The following MYOCD variants were observed in gnomAD, a reference collection of about 807,000 sequenced individuals.
MYOCD encodes the protein myocardin.
MYOCD carries 32 observed loss-of-function variants against 96.1 expected under a neutral mutation model. That is an observed-to-expected ratio of 0.33 (90% CI 0.25 to 0.45). The LOEUF is 0.45. Among genes scored for constraint, MYOCD ranks in the 20% least tolerant of loss-of-function variants. The pLI is 1.00. For missense variants in MYOCD, 1,133 were observed against 1,200.6 expected, an observed-to-expected ratio of 0.94 and a Z score of 0.83; for synonymous variants, 469 against 469.0, an observed-to-expected ratio of 1.00 and a Z score of 0.00.
intron 10 of MYOCD, among the ~76,000 whole-genome samples, chr17:12,754,115 GT>G (rs562703731): frequency 4.0e-5 from 6 of 151,138 alleles, no homozygotes; most frequent in South Asian, 4.2e-4. Context: ...GTTTGCAACT[GT>G]TTTTTTGAGA....
intron 3 of MYOCD, among the ~76,000 whole-genome samples, chr17:12,716,563 T>A (rs529364314): frequency 1.3e-4 from 20 of 152,286 alleles, no homozygotes; most frequent in African/African-American, 4.8e-4. Flanking sequence ...AGGCTTTACA[T>A]TTTCACATGT....
At position 12,765,465 on chromosome 17, in the gene MYOCD, T is replaced by C. The variant is rs2150733415; in HGVS notation, c.*1821T>C. 6.6e-6 allele frequency: 1 copy of C among 152,282 alleles called. No homozygotes were observed. The highest frequency in any genetic ancestry group is 1.9e-4 in the East Asian group (1 of 5,186). 9.4% of individuals were successfully genotyped at this position (152,282 alleles called of 1,614,324 possible). ...ATGTGTGAACACAGAGAGTTTTTGGTGATTGCTACTCTGAAAGCTGCCAGA... is the reference window on the plus strand; with the variant it reads ...ATGTGTGAACACAGAGAGTTTTTGGCGATTGCTACTCTGAAAGCTGCCAGA... On this transcript the variant is annotated 3_prime_UTR_variant, in exon 14 of 14. Coordinates refer to ENST00000425538, the MANE Select transcript of MYOCD (RefSeq NM_001146312.3).
intron 1 of MYOCD, among the ~76,000 whole-genome samples, chr17:12,685,798 T>C (rs2030088390): frequency 6.6e-6 from 1 of 152,144 alleles, no homozygotes; most frequent in African/African-American, 2.4e-5. Flanking sequence ...CATCAGAGTA[T>C]ATATGCCTTA....
chr17:12,697,109 G>A lies in MYOCD; in HGVS notation c.56-8019G>A, dbSNP rs556221148. Among the ~76,000 whole-genome samples, 3 of 151,986 alleles carry A rather than the reference G, an allele frequency of 2.0e-5. No individual in the cohort carries two copies. In the South Asian group the frequency reaches 6.2e-4, roughly 32 times the overall value. On this transcript the variant is annotated intron_variant, in intron 1 of 13. Coordinates refer to ENST00000425538, the MANE Select transcript of MYOCD (RefSeq NM_001146312.3). ...GTAGGGACAGATACAGGATGTCACA[G>A]GGGTAGACCTCCTGTCTCAGTACCC...
chr17:12,749,765 A>G (rs969480512), intron 9 of MYOCD, among the ~76,000 whole-genome samples: 1 of 149,744 alleles, frequency 6.7e-6, no homozygotes, highest in African/African-American at 2.5e-5. Flanking sequence ...TTGTGCCTAC[A>G]TTTATTAGTT....
chr17:12,723,291 A>G (rs2031900522), intron 5 of MYOCD, among the ~76,000 whole-genome samples: 4 of 152,196 alleles, frequency 2.6e-5, no homozygotes, highest in African/African-American at 9.7e-5. Context: ...CTCCCCTATA[A>G]GACATCCATT....
intron 5 of MYOCD, among the ~76,000 whole-genome samples, chr17:12,730,792 G>A (rs1301558666): frequency 3.3e-5 from 5 of 152,140 alleles, no homozygotes; most frequent in Admixed American, 3.3e-4. Context: ...GCAGTGGACC[G>A]GGCCAGCTCA....
Position 12,756,525 on chromosome 17 carries a change from C to G in MYOCD, c.2170C>G (p.Pro724Ala). The G allele has an allele frequency of 6.4e-7, 1 of 1,551,388 alleles. No homozygotes were observed. Among genetic ancestry groups the G allele is most frequent in the Non-Finnish European group, 8.7e-7 (1 of 1,146,912 alleles). ...CAGCAGTCATGGTGCCGGGGGAAAC[C>G]CTTGTCCCAAAAGCCCATGTGTACA... ...ADSSHGAGGNPCPKSPCVQQK... is the reference protein window; with the variant it reads ...ADSSHGAGGNACPKSPCVQQK... The change falls in exon 11 of 14, where the codon CCT becomes GCT. Residue 724 changes from proline (P) to alanine (A), a missense_variant. By Grantham distance (27) the Pro-to-Ala change is conservative (BLOSUM62 -1). Coordinates refer to ENST00000425538, the MANE Select transcript of MYOCD (RefSeq NM_001146312.3).
chr17:12,717,389 G>C lies in MYOCD; in HGVS notation c.221G>C (p.Ser74Thr). Residue 74 changes from serine to threonine, a missense_variant, in exon 4 of 14, where the codon AGT becomes ACT. By Grantham distance (58) the Ser-to-Thr change is moderately conservative (BLOSUM62 1). Coordinates refer to ENST00000425538, the MANE Select transcript of MYOCD (RefSeq NM_001146312.3). ...LKRKARNRCN[S>T]ADLVNMHILQ... The stretch of plus-strand genomic sequence containing the variant: ...CGCAAAGCCAGAAACAGGTGCAACA[G>C]TGCCGACTTGGTTAATATGCACATA... The C allele has an allele frequency of 6.2e-7, 1 of 1,614,068 alleles. No individual in the cohort carries two copies. Among genetic ancestry groups the C allele is most frequent in the Non-Finnish European group, 8.5e-7 (1 of 1,179,978 alleles).
intron 1 of MYOCD, among the ~76,000 whole-genome samples, chr17:12,689,606 C>A (rs868324616): frequency 1.3e-5 from 2 of 152,098 alleles, no homozygotes; most frequent in African/African-American, 2.4e-5. Flanking sequence ...CCAAGGCAGG[C>A]GGATCACTTG....
chr17:12,753,566 A>T (rs2032926001), intron 10 of MYOCD, among the ~76,000 whole-genome samples: 1 of 152,204 alleles, frequency 6.6e-6, no homozygotes, highest in African/African-American at 2.4e-5. Context: ...AAAGGGCGAG[A>T]TGGTAAATAT....
chr17:12,754,666 C>T (rs528621357), intron 10 of MYOCD, among the ~76,000 whole-genome samples: 5 of 152,248 alleles, frequency 3.3e-5, no homozygotes, highest in South Asian at 2.1e-4. Context: ...CTGACAAAGA[C>T]TTTATGCTCA....
Position 12,763,278 on chromosome 17 carries a change from A to T in MYOCD, c.2595A>T (p.Leu865=), listed in dbSNP as rs773647812. ...LEVLLNSQSP[L]GKMSDVTLLK... is the part of the protein sequence containing the mutation. ...TCTTATTAAATTCCCAGAGCCCCCT[A>T]GGAAAGATGAGTGATGTCACCCTTC... Residue 865 remains leucine, a synonymous_variant, in exon 14 of 14, where the codon CTA becomes CTT. Coordinates refer to ENST00000425538, the MANE Select transcript of MYOCD (RefSeq NM_001146312.3). 2 of 1,613,384 alleles carry T rather than the reference A, an allele frequency of 1.2e-6. No homozygotes were observed. Among genetic ancestry groups the T allele is most frequent in the East Asian group, 4.5e-5 (2 of 44,874 alleles).
intron 2 of MYOCD, among the ~76,000 whole-genome samples, chr17:12,707,659 A>G (rs2031341008): frequency 6.6e-6 from 1 of 152,330 alleles, no homozygotes; most frequent in South Asian, 2.1e-4. Flanking sequence ...GCTTGCAGTG[A>G]GCAGAGATCG....
intron 8 of MYOCD, among the ~76,000 whole-genome samples, chr17:12,745,422 TG>T (rs1334588938): frequency 6.6e-6 from 1 of 152,102 alleles, no homozygotes; most frequent in African/African-American, 2.4e-5. Flanking sequence ...TTGGTCAGGC[TG>T]GTCTCAAACT....
rs1337929567 is a variant in MYOCD, at chr17:12,768,618, A to G, written c.*4974A>G. 2.0e-5 allele frequency: 3 copies of G among 152,142 alleles called. No individual in the cohort carries two copies. The East Asian group carries it at 5.8e-4, about 29-fold the overall frequency. 9.4% of individuals were successfully genotyped at this position (152,142 alleles called of 1,614,324 possible). A position where few individuals can be genotyped will look rare whatever the true frequency, so the allele number is the denominator to read the frequency against. On this transcript the variant is annotated 3_prime_UTR_variant, in exon 14 of 14. Coordinates refer to ENST00000425538, the MANE Select transcript of MYOCD (RefSeq NM_001146312.3). ...TTTTAATGTTTTCCAAAGGAAAGGA[A>G]CCCACACTGCTCCCCAGAGTTCCTT...
In MYOCD at chr17:12,763,604, A is replaced by G. The variant is rs1346080795; in HGVS notation, c.2921A>G (p.Asn974Ser). The change falls in exon 14 of 14, where the codon AAT becomes AGT. Residue 974 changes from asparagine to serine, a missense_variant. Asn to Ser is a conservative substitution (Grantham distance 46). Transcript: ENST00000425538. ...NIDFLDVTDL[N>S]LNSSMDLHLQ... ...GATTTCCTGGATGTCACTGATCTCA[A>G]TTTGAATTCTTCCATGGACCTTCAC... 10 of 1,613,902 alleles carry G rather than the reference A, an allele frequency of 6.2e-6. No homozygotes were observed. The highest frequency in any genetic ancestry group is 1.7e-4 in the Middle Eastern group (1 of 6,060).
intron 1 of MYOCD, among the ~76,000 whole-genome samples, chr17:12,685,120 A>T (rs1217630308): frequency 6.6e-6 from 1 of 151,262 alleles, no homozygotes; most frequent in African/African-American, 2.4e-5. Flanking sequence ...ACATGGTGAA[A>T]CCCCATCTCT....
intron 1 of MYOCD, among the ~76,000 whole-genome samples, chr17:12,698,765 C>T (rs1178517636): frequency 5.4e-5 from 5 of 93,000 alleles, no homozygotes; most frequent in South Asian, 3.9e-4. Flanking sequence ...TTTTGTGAGA[C>T]AGAGTCTGGC....
Sources: allele counts gnomAD v4.1 joint callset (sites outside exome capture counted in the v4.1 genomes callset), GRCh38; gene constraint gnomAD v4.1.1; transcripts MANE v1.5; gene names NCBI Gene and HGNC (gene_info 2026-07-23, HGNC 2026-07-21).